Variants in CAMK1D observed in about 807,000 individuals in gnomAD.
CAMK1D encodes the protein calcium/calmodulin-dependent protein kinase type 1D.
Under a neutral mutation model 47.7 loss-of-function variants are expected in CAMK1D, and 9 were observed. The observed-to-expected ratio is 0.19, with a 90% CI of 0.11 to 0.33. The LOEUF is 0.33. CAMK1D is among the 10% of genes least tolerant of loss of function. CAMK1D has a pLI of 1.00. For missense variants in CAMK1D, 291 were observed against 488.7 expected (o/e 0.60, Z 3.81); for synonymous variants, 184 against 184.9 (o/e 0.99, Z 0.04).
At chr10:12,462,418 C>T (rs1833461662) in intron 1 of CAMK1D, among the ~76,000 whole-genome samples, 2 of 151,774 alleles carry the variant, frequency 1.3e-5, no homozygotes, top group South Asian at 2.1e-4. Flanking sequence ...CCCACCCTGG[C>T]CTCCCAAAGT....
intron 1 of CAMK1D, among the ~76,000 whole-genome samples, chr10:12,424,795 C>T (rs1393360035): frequency 1.3e-5 from 2 of 152,096 alleles, no homozygotes; most frequent in African/African-American, 2.4e-5. Flanking sequence ...GGCAACAGAG[C>T]GAGACCCCAT....
In CAMK1D at chr10:12,774,942, C is replaced by T. The variant is rs117540496; in HGVS notation, c.565+5143C>T. On this transcript the variant is annotated intron_variant, in intron 5 of 10. Transcript: ENST00000619168. ...GGTTCTTTGTGCCAAAATTGGGGAT[C>T]GCTGCTCTAGGACACGAGCTGGGAT... Among the ~76,000 whole-genome samples the T allele has an allele frequency of 1.9e-4, 29 of 152,366 alleles. No individual in the cohort carries two copies. The East Asian group carries it at 4.8e-3, about 25-fold the overall frequency.
At chr10:12,595,733 C>T (rs1474116743) in intron 2 of CAMK1D, among the ~76,000 whole-genome samples, 1 of 152,012 alleles carries the variant, frequency 6.6e-6, no homozygotes, top group Non-Finnish European at 1.5e-5. Context: ...CCTGAGGAAG[C>T]GTGACATTAG....
chr10:12,726,656 A>G (rs1834654302), intron 3 of CAMK1D, among the ~76,000 whole-genome samples: 1 of 152,234 alleles, frequency 6.6e-6, no homozygotes, highest in Non-Finnish European at 1.5e-5. Flanking sequence ...AACGCTTTAT[A>G]GAATTCATTA....
At chr10:12,740,650 G>A (rs1161542896) in intron 3 of CAMK1D, among the ~76,000 whole-genome samples, 1 of 152,218 alleles carries the variant, frequency 6.6e-6, no homozygotes, top group African/African-American at 2.4e-5. Flanking sequence ...AGGCAGGTAG[G>A]ATGGACTGAT....
At chr10:12,795,654 C>T (rs906487271) in intron 6 of CAMK1D, among the ~76,000 whole-genome samples, 3 of 152,218 alleles carry the variant, frequency 2.0e-5, no homozygotes, top group Non-Finnish European at 2.9e-5. Context: ...GCCGTGGCAC[C>T]GAGTTTTCTC....
chr10:12,758,720 G>A (rs1453315562), intron 3 of CAMK1D, among the ~76,000 whole-genome samples: 2 of 152,188 alleles, frequency 1.3e-5, no homozygotes, highest in Non-Finnish European at 2.9e-5. Flanking sequence ...AAGCAGGACA[G>A]GTAGGTTTTG....
chr10:12,730,494 T>C (rs1207009923), intron 3 of CAMK1D, among the ~76,000 whole-genome samples: 2 of 152,160 alleles, frequency 1.3e-5, no homozygotes, highest in East Asian at 3.9e-4. Context: ...AAGCCTGGGC[T>C]ATAGATACAC....
rs1296928881 is a variant in CAMK1D, at chr10:12,751,066, GATA to G, written c.300-9880_300-9878del. Among the ~76,000 whole-genome samples the G allele has an allele frequency of 9.3e-3, 60 of 6,440 alleles. 1 individual carries two copies. The highest frequency in any genetic ancestry group is 0.071 in the Middle Eastern group (1 of 14). 4.2% of individuals were successfully genotyped at this position (6,440 alleles called of 152,430 possible). Reference sequence around the variant, plus strand: ...CGTCTCCCCCAATAAGATAAGATAAGATAAGATAAGATAAGATAAGATAAGATA... The same window carrying G: ...CGTCTCCCCCAATAAGATAAGATAAGAGATAAGATAAGATAAGATAAGATA... On this transcript the variant is annotated intron_variant, in intron 3 of 10. Coordinates refer to ENST00000619168, the MANE Select transcript of CAMK1D (RefSeq NM_153498.4).
chr10:12,452,490 A>G (rs1164011177), intron 1 of CAMK1D, among the ~76,000 whole-genome samples: 3 of 151,886 alleles, frequency 2.0e-5, no homozygotes, highest in Non-Finnish European at 4.4e-5. Context: ...GTATAAATAT[A>G]CATTTATTTG....
At chr10:12,427,046 C>T (rs1311341317) in intron 1 of CAMK1D, among the ~76,000 whole-genome samples, 2 of 151,942 alleles carry the variant, frequency 1.3e-5, no homozygotes, top group African/African-American at 4.8e-5. Context: ...AATGAGGTCT[C>T]CCTATATTGC....
chr10:12,725,076 C>G (rs1006850088), intron 3 of CAMK1D, among the ~76,000 whole-genome samples: 5 of 152,312 alleles, frequency 3.3e-5, no homozygotes, highest in South Asian at 2.1e-4. Context: ...CTGTGTTTCT[C>G]CTTAGCCGTG....
At chr10:12,808,328 TCTTAA>T (rs1396733751) in intron 6 of CAMK1D, among the ~76,000 whole-genome samples, 1 of 152,220 alleles carries the variant, frequency 6.6e-6, no homozygotes, top group Admixed American at 6.5e-5. Context: ...AGAAACTGGT[TCTTAA>T]CTTAGCATTG....
At chr10:12,401,564 G>A (rs74996917) in intron 1 of CAMK1D, among the ~76,000 whole-genome samples, 1,663 of 151,340 alleles carry the variant, frequency 0.011, 29 homozygotes, top group African/African-American at 0.038. Context: ...AGAAGGATCT[G>A]TACAACAGTG....
intron 2 of CAMK1D, among the ~76,000 whole-genome samples, chr10:12,586,700 T>C (rs1221673842): frequency 1.3e-5 from 2 of 151,972 alleles, no homozygotes; most frequent in African/African-American, 4.8e-5. Flanking sequence ...AGGCTGTTGC[T>C]CACCTCTTGT....
At chr10:12,702,784 C>T (rs570823689) in intron 3 of CAMK1D, among the ~76,000 whole-genome samples, 10 of 152,240 alleles carry the variant, frequency 6.6e-5, no homozygotes, top group African/African-American at 1.7e-4. Context: ...AAAGAAGATG[C>T]GTAGCACTGG....
At chr10:12,454,572 C>T (rs1052830545) in intron 1 of CAMK1D, among the ~76,000 whole-genome samples, 1 of 152,196 alleles carries the variant, frequency 6.6e-6, no homozygotes, top group African/African-American at 2.4e-5. Context: ...AAGCGATTCT[C>T]CTGCCTCAGC....
intron 3 of CAMK1D, among the ~76,000 whole-genome samples, chr10:12,675,824 C>G (rs932785670): frequency 6.6e-6 from 1 of 152,202 alleles, no homozygotes; most frequent in African/African-American, 2.4e-5. Flanking sequence ...ACCTTTCTTT[C>G]GTTCAGCTGC....
chr10:12,369,151 T>C (rs867151184), intron 1 of CAMK1D, among the ~76,000 whole-genome samples: 6 of 152,178 alleles, frequency 3.9e-5, no homozygotes, highest in Middle Eastern at 3.2e-3. Context: ...TTCCAGCTTT[T>C]GTTATTGCAA....
Sources: gnomAD v4.1 joint callset for allele counts (sites outside exome capture counted in the v4.1 genomes callset) on GRCh38, gnomAD v4.1.1 for gene constraint, MANE v1.5 for transcripts, NCBI Gene and HGNC (gene_info 2026-07-23, HGNC 2026-07-21) for gene names.